UNC5C: variants seen among roughly 807,000 people sequenced by gnomAD.
The protein encoded by UNC5C is unc-5 netrin receptor C.
Under a neutral mutation model 99.8 loss-of-function variants are expected in UNC5C, and 47 were observed. That is an observed-to-expected ratio of 0.47 (90% CI 0.37 to 0.60). The LOEUF is 0.60. Among genes scored for constraint, UNC5C ranks in the 20% least tolerant of loss-of-function variants. The pLI is 0.00. For missense variants in UNC5C, 1,062 were observed against 1,165.9 expected (o/e 0.91, Z 1.30); for synonymous variants, 487 against 452.2 (o/e 1.08, Z -0.98).
At chr4:95,416,635 C>T (rs1476959456) in intron 1 of UNC5C, among the ~76,000 whole-genome samples, 6 of 152,216 alleles carry the variant, frequency 3.9e-5, no homozygotes, top group African/African-American at 1.4e-4. Context: ...ATCCAGTTCA[C>T]ATAAATATGC....
chr4:95,486,101 G>A (rs1721321006), intron 1 of UNC5C, among the ~76,000 whole-genome samples: 1 of 151,506 alleles, frequency 6.6e-6, no homozygotes, highest in Non-Finnish European at 1.5e-5. Flanking sequence ...TAAAAAACCA[G>A]GCTTATCTTT....
Position 95,169,269 on chromosome 4 carries a change from T to G in UNC5C, c.2761A>C (p.Thr921Pro). 6.2e-7 allele frequency: 1 copy of G among 1,614,192 alleles called. No individual in the cohort carries two copies. Among genetic ancestry groups the G allele is most frequent in the Non-Finnish European group, 8.5e-7 (1 of 1,180,040 alleles). ...CCTTCTGCTGCTAAGGACACCACCG[T>G]TTCATGTCTTCCCATTTCTTCCAAG... ...AVLEEMGRHE[T>P]VVSLAAEGQY The change falls in exon 16 of 16, where the codon ACG becomes CCG. Residue 921 changes from threonine to proline, a missense_variant. Thr to Pro is a conservative substitution (Grantham distance 38). This residue lies in a region of UNC5C where 810 missense variants were observed against 854.5 expected (regional missense o/e 0.95). Transcript: ENST00000453304.
intron 14 of UNC5C, among the ~76,000 whole-genome samples, chr4:95,178,486 A>T (rs1228177151): frequency 6.6e-6 from 1 of 152,160 alleles, no homozygotes. Context: ...GAGTATATCA[A>T]TCAATCAATC....
At position 95,180,988 on chromosome 4, in the gene UNC5C, G is replaced by A. The variant is rs146365192; in HGVS notation, c.2451+1909C>T. The stretch of plus-strand genomic sequence containing the variant: ...TCTACAGAGTCCATTGTTCTTCAGC[G>A]CAGAGGCTTCCTCTCCAACATCAGT... On this transcript the variant is annotated intron_variant, in intron 14 of 15. Transcript: ENST00000453304. Among the ~76,000 whole-genome samples, 515 of 152,210 alleles carry A rather than the reference G, an allele frequency of 3.4e-3. 2 individuals are homozygous for A. Among genetic ancestry groups the A allele is most frequent in the Admixed American group, 6.6e-3 (101 of 15,292 alleles).
intron 1 of UNC5C, among the ~76,000 whole-genome samples, chr4:95,352,428 T>G (rs183833143): frequency 6.6e-6 from 1 of 152,302 alleles, no homozygotes; most frequent in East Asian, 1.9e-4. Flanking sequence ...ATCTCAAGTC[T>G]ATTTCTCCCT....
chr4:95,317,208 C>T (rs1048662050), intron 2 of UNC5C, among the ~76,000 whole-genome samples: 2 of 152,086 alleles, frequency 1.3e-5, no homozygotes, highest in Non-Finnish European at 2.9e-5. Context: ...CAGCTTAGCG[C>T]TCATGCAAAA....
chr4:95,200,506 T>C (rs1375068495), intron 12 of UNC5C, among the ~76,000 whole-genome samples: 1 of 152,216 alleles, frequency 6.6e-6, no homozygotes, highest in East Asian at 1.9e-4. Flanking sequence ...ACTTAAACTT[T>C]CTGTGCCTTG....
chr4:95,476,989 G>A (rs265056), intron 1 of UNC5C, among the ~76,000 whole-genome samples: 1 of 151,962 alleles, frequency 6.6e-6, no homozygotes, highest in Non-Finnish European at 1.5e-5. Context: ...TCTGAATTAT[G>A]ATTGTTTGTG....
intron 1 of UNC5C, among the ~76,000 whole-genome samples, chr4:95,385,818 T>G (rs929114965): frequency 2.6e-5 from 4 of 152,222 alleles, no homozygotes; most frequent in African/African-American, 9.6e-5. Context: ...AATATCTTTT[T>G]GAATTCTAAT....
chr4:95,238,118 C>T (rs1027919343), intron 7 of UNC5C, among the ~76,000 whole-genome samples: 2 of 152,112 alleles, frequency 1.3e-5, no homozygotes, highest in Non-Finnish European at 1.5e-5. Context: ...TCAATCTTTT[C>T]CTATAATTAT....
Position 95,206,622 on chromosome 4 carries a change from G to T in UNC5C, c.1902+6C>A, listed in dbSNP as rs1289186852. 1 of 1,614,048 alleles carries T rather than the reference G, an allele frequency of 6.2e-7. No homozygotes were observed. The highest frequency in any genetic ancestry group is 8.5e-7 in the Non-Finnish European group (1 of 1,179,980). On this transcript the variant is annotated splice_donor_region_variant and intron_variant, in intron 11 of 15. Coordinates refer to ENST00000453304, the MANE Select transcript of UNC5C (RefSeq NM_003728.4). ...GCATAGCATCTTTATCCCGACAGCAGCTCACCTCCCACTGTCCCTGTGCTG... is the reference window on the plus strand; with the variant it reads ...GCATAGCATCTTTATCCCGACAGCATCTCACCTCCCACTGTCCCTGTGCTG...
rs980463853 is a variant in UNC5C, at chr4:95,166,800, A to G, written c.*2434T>C. ...GCTCTCTTTCCTCCTCCTCCTTTTAAAAAATGTGTGTGTATAACTGCGTGT... is the reference window on the plus strand; with the variant it reads ...GCTCTCTTTCCTCCTCCTCCTTTTAGAAAATGTGTGTGTATAACTGCGTGT... On this transcript the variant is annotated 3_prime_UTR_variant, in exon 16 of 16. Transcript: ENST00000453304. The G allele has an allele frequency of 6.6e-6, 1 of 152,176 alleles. No homozygotes were observed. Among genetic ancestry groups the G allele is most frequent in the Non-Finnish European group, 1.5e-5 (1 of 68,038 alleles). 9.4% of individuals were successfully genotyped at this position (152,176 alleles called of 1,614,324 possible). A position where few individuals can be genotyped will look rare whatever the true frequency, so the allele number is the denominator to read the frequency against.
Position 95,180,230 on chromosome 4 carries a change from TTAAG to T in UNC5C, c.2451+2663_2451+2666del, listed in dbSNP as rs541507345. 8.7e-4 allele frequency among the ~76,000 whole-genome samples: 132 copies of T among 152,308 alleles called. 1 individual carries two copies. Among genetic ancestry groups the T allele is most frequent in the African/African-American group, 3.0e-3 (124 of 41,572 alleles). On this transcript the variant is annotated intron_variant, in intron 14 of 15. Transcript: ENST00000453304. ...ATGGGGAAACTGAGGCAAGAAAGGA[TTAAG>T]TAATTGGCCCTATCTATCTCCATGG... is the stretch of plus-strand genomic sequence containing the variant.
chr4:95,473,630 T>C (rs1243637621), intron 1 of UNC5C, among the ~76,000 whole-genome samples: 2 of 152,116 alleles, frequency 1.3e-5, no homozygotes, highest in Non-Finnish European at 2.9e-5. Context: ...TTAAGTATCT[T>C]ATTTGCAAAA....
At chr4:95,290,979 A>C (rs1284082885) in intron 3 of UNC5C, among the ~76,000 whole-genome samples, 1 of 152,188 alleles carries the variant, frequency 6.6e-6, no homozygotes, top group Non-Finnish European at 1.5e-5. Context: ...AAATGAGAGA[A>C]ATTCCAGGGA....
intron 1 of UNC5C, among the ~76,000 whole-genome samples, chr4:95,531,809 A>C (rs2149493095): frequency 6.6e-6 from 1 of 152,348 alleles, no homozygotes; most frequent in Admixed American, 6.5e-5. Context: ...CCTGCACGAG[A>C]CTTGTTGACT....
chr4:95,284,810 G>A (rs950290796), intron 3 of UNC5C, among the ~76,000 whole-genome samples: 1 of 152,108 alleles, frequency 6.6e-6, no homozygotes, highest in Non-Finnish European at 1.5e-5. Flanking sequence ...GTGGAAGAAA[G>A]CCTGTCATGC....
chr4:95,336,071 G>A (rs80293887), intron 1 of UNC5C, among the ~76,000 whole-genome samples: 2 of 151,814 alleles, frequency 1.3e-5, no homozygotes, highest in South Asian at 2.1e-4. Context: ...GCAAGGAGCC[G>A]AGCAGAAATA....
At chr4:95,471,091 A>G (rs1266697177) in intron 1 of UNC5C, among the ~76,000 whole-genome samples, 1 of 150,924 alleles carries the variant, frequency 6.6e-6, no homozygotes, top group Non-Finnish European at 1.5e-5. Context: ...AAATTTAAAT[A>G]TAGGAAGACT....
Sources: allele counts gnomAD v4.1 joint callset (sites outside exome capture counted in the v4.1 genomes callset), GRCh38; gene constraint gnomAD v4.1.1; regional missense constraint gnomAD v4.1.1; transcripts MANE v1.5; gene names NCBI Gene and HGNC (gene_info 2026-07-23, HGNC 2026-07-21).